The following SLC12A9 variants were observed in gnomAD, a reference collection of about 807,000 sequenced individuals.
SLC12A9 encodes solute carrier family 12 member 9.
SLC12A9 carries 55 observed loss-of-function variants against 66.0 expected under a neutral mutation model. That is an observed-to-expected ratio of 0.83 (90% CI 0.67 to 1.04). SLC12A9 has a LOEUF of 1.04. Among genes scored for constraint, SLC12A9 ranks in the 50% least tolerant of loss-of-function variants. The pLI is 0.00. For missense variants in SLC12A9, 1,061 were observed against 1,241.9 expected, an observed-to-expected ratio of 0.85 and a Z score of 2.19; for synonymous variants, 577 against 569.0, an observed-to-expected ratio of 1.01 and a Z score of -0.20.
At chr7:100,832,127 G>A (rs187247919) in intron 1 of SLC12A9, among the ~76,000 whole-genome samples, 134 of 152,274 alleles carry the variant, frequency 8.8e-4, no homozygotes, top group African/African-American at 3.0e-3. Flanking sequence ...TTGAACTTGG[G>A]AGGCGGAGGT....
chr7:100,854,417 A>G, intron 2 of SLC12A9, 39 bp downstream of exon 2: 2 of 1,600,298 alleles, frequency 1.2e-6, no homozygotes, highest in Non-Finnish European at 8.5e-7. Flanking sequence ...TGACTATAGT[A>G]TGGGAGGACA....
At chr7:100,844,785 G>A (rs1438611523) in intron 1 of SLC12A9, among the ~76,000 whole-genome samples, 3 of 152,232 alleles carry the variant, frequency 2.0e-5, no homozygotes, top group East Asian at 3.9e-4. Context: ...CTGGATCCTC[G>A]AGTAAATATC....
Position 100,866,268 on chromosome 7 carries a change from G to A in SLC12A9, c.2408G>A (p.Trp803Ter), listed in dbSNP as rs1815084052. 2 of 1,556,116 alleles carry A rather than the reference G, an allele frequency of 1.3e-6. No individual in the cohort carries two copies. Among genetic ancestry groups the A allele is most frequent in the African/African-American group, 1.4e-5 (1 of 73,474 alleles). Reference protein sequence around the residue: ...RIRAEVQEVVWGEGAGAGEPE... With the variant: ...RIRAEVQEVV ...CGGGCTGAGGTGCAGGAGGTGGTGT[G>A]GGGCGAGGGGGCCGGGGCTGGGGAA... Residue 803 changes from tryptophan to a stop codon, truncating the protein, a stop_gained, in exon 14 of 14, where the codon TGG becomes TAG. Transcript: ENST00000354161. LOFTEE classifies it low-confidence loss of function (END_TRUNC). This position sits in a 1 kb window ranked among gnomAD's most constrained non-coding sequence, Gnocchi z 7.3.
At position 100,861,741 on chromosome 7, in the gene SLC12A9, G is replaced by A. The variant is rs1450972885; in HGVS notation, c.1541G>A (p.Arg514His). Residue 514 changes from arginine (R) to histidine (H), a missense_variant, in exon 12 of 14, where the codon CGT (arginine) becomes CAT (histidine). Coordinates refer to ENST00000354161, the MANE Select transcript of SLC12A9 (RefSeq NM_020246.4). This position sits in a 1 kb window ranked among gnomAD's most constrained non-coding sequence, Gnocchi z 5.3. Reference protein sequence around the residue: ...VSQALLFHQVRKYLLRLDVRK... With the variant: ...VSQALLFHQVHKYLLRLDVRK... ...CTGCCTCACCCCTATACCCAGGTGC[G>A]TAAGTATCTGCTTCGGCTGGACGTC... 12 of 1,614,066 alleles carry A rather than the reference G, an allele frequency of 7.4e-6. No homozygotes were observed. Among genetic ancestry groups the A allele is most frequent in the African/African-American group, 1.3e-5 (1 of 74,924 alleles).
intron 1 of SLC12A9, among the ~76,000 whole-genome samples, chr7:100,834,992 C>T (rs1813620554): frequency 6.6e-6 from 1 of 151,998 alleles, no homozygotes; most frequent in Admixed American, 6.6e-5. Context: ...CGTGATCACA[C>T]CACTGCACTG....
intron 1 of SLC12A9, among the ~76,000 whole-genome samples, chr7:100,840,985 C>T (rs1813776664): frequency 6.7e-6 from 1 of 150,152 alleles, no homozygotes; most frequent in Admixed American, 6.6e-5. Flanking sequence ...AACTGCTTTG[C>T]TAACAACAAA....
In SLC12A9 at chr7:100,856,802, C is replaced by A; in HGVS notation, c.449-66C>A. On this transcript the variant is annotated intron_variant, in intron 4 of 13. Coordinates refer to ENST00000354161, the MANE Select transcript of SLC12A9 (RefSeq NM_020246.4). ...GCTGGAATTATAGATGTGAGCCGCC[C>A]ACCATGCCCGGCTGGTGGGGTGCCT... 3 of 1,464,542 alleles carry A rather than the reference C, an allele frequency of 2.0e-6. No homozygotes were observed. In the South Asian group the frequency reaches 3.9e-5, roughly 19 times the overall value. The allele number at this position is 1,464,542 out of a possible 1,614,324, so 90.7% of individuals were successfully genotyped here.
intron 1 of SLC12A9, 82 bp from the exon 2 acceptor site, chr7:100,854,074 C>T: frequency 3.3e-6 from 3 of 897,896 alleles, no homozygotes; most frequent in Non-Finnish European, 4.9e-6. Flanking sequence ...TTTGGGGAGG[C>T]TTCAGGGTGT....
intron 4 of SLC12A9, chr7:100,856,119 G>A (rs771476413): frequency 2.5e-4 from 62 of 251,582 alleles, no homozygotes; most frequent in Non-Finnish European, 3.7e-4. Context: ...GGAGCTAAGA[G>A]GGAAGTGGGG....
rs183783650 is a variant in SLC12A9, at chr7:100,855,852, C to T, written c.448+15C>T. 7 of 1,590,110 alleles carry T rather than the reference C, an allele frequency of 4.4e-6. No homozygotes were observed. Among genetic ancestry groups the T allele is most frequent in the East Asian group, 2.2e-5 (1 of 44,658 alleles). On this transcript the variant is annotated intron_variant, in intron 4 of 13. Transcript: ENST00000354161. ...CTTCGGGGCCGGTCTGTGCTCTGTC[C>T]GATCTGGGCAGTGCTGCGGGTTTAC...
intron 13 of SLC12A9, among the ~76,000 whole-genome samples, chr7:100,864,504 C>G (rs1011829658): frequency 1.3e-5 from 2 of 151,956 alleles, no homozygotes; most frequent in Non-Finnish European, 2.9e-5. Flanking sequence ...GAGAAGGGGT[C>G]TTGGAAGAGG....
At position 100,857,132 on chromosome 7, in the gene SLC12A9, A is replaced by G; in HGVS notation, c.713A>G (p.His238Arg). 6.2e-7 allele frequency: 1 copy of G among 1,613,910 alleles called. No individual in the cohort carries two copies. Among genetic ancestry groups the G allele is most frequent in the Non-Finnish European group, 8.5e-7 (1 of 1,179,984 alleles). The change falls in exon 5 of 14, where the codon CAC becomes CGC. Residue 238 changes from histidine to arginine, a missense_variant. Physicochemically the swap from His to Arg is conservative, Grantham distance 29. Transcript: ENST00000354161. The stretch of plus-strand genomic sequence containing the variant: ...TCCTCCCTGCCGCCCCGGTTTGGCC[A>G]CTTCACCGGCTTCAACAGCAGTACC... ...NGSSLPPRFG[H>R]FTGFNSSTLK... is the part of the protein sequence containing the mutation.
At chr7:100,855,869 C>T (rs768295650) in intron 4 of SLC12A9, 32 bp downstream of exon 4, 31 of 1,566,034 alleles carry the variant, frequency 2.0e-5, no homozygotes, top group East Asian at 1.6e-4. Context: ...GGCAGTGCTG[C>T]GGGTTTACAG....
intron 1 of SLC12A9, among the ~76,000 whole-genome samples, chr7:100,836,390 G>C (rs1813660418): frequency 6.6e-6 from 1 of 152,104 alleles, no homozygotes; most frequent in Non-Finnish European, 1.5e-5. Context: ...CCGGGCCCCA[G>C]AGGAGATGAC....
Position 100,859,987 on chromosome 7 carries a change from C to G in SLC12A9, c.1080C>G (p.Ser360Arg). Residue 360 changes from serine to arginine, a missense_variant, in exon 8 of 14, where the codon AGC (serine) becomes AGG (arginine). Ser to Arg is a moderately radical substitution (Grantham distance 110). Coordinates refer to ENST00000354161, the MANE Select transcript of SLC12A9 (RefSeq NM_020246.4). ...CCACAGCGCTCTCAGCGTCCATGAG[C>G]TCGCTCATTGGTGCCTCCCGCATCC... Reference protein sequence around the residue: ...IYATALSASMSSLIGASRILH... With the variant: ...IYATALSASMRSLIGASRILH... 1 of 1,613,490 alleles carries G rather than the reference C, an allele frequency of 6.2e-7. No homozygotes were observed. Among genetic ancestry groups the G allele is most frequent in the Non-Finnish European group, 8.5e-7 (1 of 1,179,420 alleles).
rs1482742573 is a variant in SLC12A9, at chr7:100,857,157, C to T, written c.738C>T (p.Thr246=). ...ACTTCACCGGCTTCAACAGCAGTAC[C>T]CTGAAGGACAACTTGGGCGGTGAGC... ...FGHFTGFNSS[T]LKDNLGAGYA... is the part of the protein sequence containing the mutation. The change falls in exon 5 of 14, where the codon ACC becomes ACT. Residue 246 remains threonine, a synonymous_variant. Coordinates refer to ENST00000354161, the MANE Select transcript of SLC12A9 (RefSeq NM_020246.4). The T allele has an allele frequency of 3.1e-6, 5 of 1,611,818 alleles. No individual in the cohort carries two copies. The highest frequency in any genetic ancestry group is 2.7e-5 in the African/African-American group (2 of 74,896).
chr7:100,847,024 C>A (rs560308081), intron 1 of SLC12A9, among the ~76,000 whole-genome samples: 1 of 152,120 alleles, frequency 6.6e-6, no homozygotes, highest in South Asian at 2.1e-4. Flanking sequence ...CCCTCTCTTG[C>A]GCGCCCCCTG....
rs551345829 is a variant in SLC12A9, at chr7:100,866,281, C to T, written c.2421C>T (p.Ala807=). 47 of 755,480 alleles carry T rather than the reference C, an allele frequency of 6.2e-5. No homozygotes were observed. The highest frequency in any genetic ancestry group is 2.6e-4 in the East Asian group (5 of 19,350). The allele number at this position is 755,480 out of a possible 1,614,324, so 46.8% of individuals were successfully genotyped here. ...EVQEVVWGEG[A]GAGEPEAEEE... The stretch of plus-strand genomic sequence containing the variant: ...AGGAGGTGGTGTGGGGCGAGGGGGC[C>T]GGGGCTGGGGAACCCGAGGCGGAGG... The change falls in exon 14 of 14, where the codon GCC becomes GCT. Residue 807 remains alanine (A), a synonymous_variant. Transcript: ENST00000354161. The surrounding 1 kb of genome is among the most constrained non-coding windows in gnomAD (Gnocchi z 7.3).
intron 13 of SLC12A9, among the ~76,000 whole-genome samples, chr7:100,864,865 G>A (rs1015075342): frequency 9.2e-5 from 14 of 152,154 alleles, no homozygotes; most frequent in Non-Finnish European, 1.8e-4. Context: ...CCTGGTAAGC[G>A]GATACCATGC....
Sources: gnomAD v4.1 joint callset for allele counts (sites outside exome capture counted in the v4.1 genomes callset) on GRCh38, gnomAD v4.1.1 for gene constraint, Gnocchi (gnomAD v3.1) non-coding constraint, MANE v1.5 for transcripts, NCBI Gene and HGNC (gene_info 2026-07-23, HGNC 2026-07-21) for gene names.